KAT7: variants seen among roughly 807,000 people sequenced by gnomAD.
KAT7 encodes the protein histone acetyltransferase KAT7.
A neutral mutation model predicts 82.1 loss-of-function variants in KAT7; 10 were observed. The observed-to-expected ratio is 0.12, with a 90% CI of 0.08 to 0.21. The LOEUF is 0.21. KAT7 is among the 10% of genes least tolerant of loss of function. KAT7 has a pLI of 1.00. For missense variants in KAT7, 378 were observed against 760.9 expected, an observed-to-expected ratio of 0.50 and a Z score of 5.92; for synonymous variants, 250 against 262.5, an observed-to-expected ratio of 0.95 and a Z score of 0.46.
chr17:49,808,126 T>C (rs1259643599), intron 5 of KAT7, among the ~76,000 whole-genome samples: 11 of 147,508 alleles, frequency 7.5e-5, no homozygotes, highest in Non-Finnish European at 1.0e-4. Context: ...TTTTCTTTTT[T>C]TTTTTTTTTT....
intron 8 of KAT7, among the ~76,000 whole-genome samples, chr17:49,817,570 G>A (rs1001560738): frequency 6.6e-6 from 1 of 152,294 alleles, no homozygotes; most frequent in Admixed American, 6.5e-5. Context: ...CCTCTTGGGC[G>A]ATTCTTCTGC....
chr17:49,798,299 A>T lies in KAT7; in HGVS notation c.341-20A>T. On this transcript the variant is annotated intron_variant, in intron 3 of 14. Transcript: ENST00000259021. ...TAAATGAACTCCACTCATAACTTCT[A>T]CCAATTGCTTTTGCTTTAGAAACTA... The T allele has an allele frequency of 6.2e-7, 1 of 1,610,366 alleles. No homozygotes were observed. Among genetic ancestry groups the T allele is most frequent in the Non-Finnish European group, 8.5e-7 (1 of 1,176,822 alleles).
intron 2 of KAT7, chr17:49,795,451 A>G (rs957185903): frequency 8.1e-6 from 2 of 246,220 alleles, no homozygotes; most frequent in African/African-American, 4.6e-5. Context: ...TGGTGGTGGA[A>G]CCAAACCCGT....
intron 1 of KAT7, among the ~76,000 whole-genome samples, chr17:49,791,104 G>A (rs2073882156): frequency 6.6e-6 from 1 of 152,154 alleles, no homozygotes; most frequent in African/African-American, 2.4e-5. Context: ...GAAACGTCAA[G>A]GATAGATGGC....
chr17:49,805,331 T>TGG, intron 4 of KAT7, 32 bp from the exon 5 acceptor site: 1 of 1,449,232 alleles, frequency 6.9e-7, no homozygotes, highest in Non-Finnish European at 9.7e-7. Context: ...CTTGTCTTCT[T>TGG]TCTTGAGATT....
intron 5 of KAT7, among the ~76,000 whole-genome samples, chr17:49,807,608 G>A (rs187532238): frequency 1.8e-4 from 27 of 152,296 alleles, no homozygotes; most frequent in Non-Finnish European, 3.1e-4. Flanking sequence ...TTTCAGGCAC[G>A]CTTTTGAAAA....
chr17:49,821,897 G>A, intron 11 of KAT7, 107 bp downstream of exon 11: 1 of 895,044 alleles, frequency 1.1e-6, no homozygotes, highest in Admixed American at 2.4e-5. Flanking sequence ...TCTGGGCAAT[G>A]ATGACACCCC....
chr17:49,826,433 G>C, intron 13 of KAT7: 1 of 504,120 alleles, frequency 2.0e-6, no homozygotes, highest in Admixed American at 3.6e-5. Flanking sequence ...GTGTATTTAT[G>C]CAAGGGTGGA....
At chr17:49,795,364 C>A (rs1036273086) in intron 2 of KAT7, 41 of 204,752 alleles carry the variant, frequency 2.0e-4, no homozygotes, top group African/African-American at 8.4e-4. Flanking sequence ...GGAGAGTGAG[C>A]AGTTCCTGAC....
intron 7 of KAT7, chr17:49,815,574 C>T: frequency 2.5e-6 from 1 of 400,836 alleles, no homozygotes; most frequent in South Asian, 7.2e-5. Flanking sequence ...AAGCTCCCTT[C>T]TGGAGCTGTG....
chr17:49,825,002 T>G (rs1387335454), intron 12 of KAT7, among the ~76,000 whole-genome samples: 1 of 152,192 alleles, frequency 6.6e-6, no homozygotes, highest in African/African-American at 2.4e-5. Flanking sequence ...TTTTTTATTT[T>G]TATTTTTTTA....
rs1482155819 is a variant in KAT7 at position 49,830,825 on chromosome 17, A to ATG, written c.*3323_*3324insTG. ...CACTATTTTTGATTCCTTAATGATGAATCATCCTCTCCCTTCTAGTTGGAT... is the reference window on the plus strand; with the variant it reads ...CACTATTTTTGATTCCTTAATGATGATGATCATCCTCTCCCTTCTAGTTGGAT... On this transcript the variant is annotated 3_prime_UTR_variant, in exon 15 of 15. Coordinates refer to ENST00000259021, the MANE Select transcript of KAT7 (RefSeq NM_007067.5). 41 of 152,272 alleles carry ATG rather than the reference A, an allele frequency of 2.7e-4. No homozygotes were observed. Among genetic ancestry groups the ATG allele is most frequent in the African/African-American group, 9.1e-4 (38 of 41,556 alleles). 9.4% of individuals were successfully genotyped at this position (152,272 alleles called of 1,614,324 possible). A position where few individuals can be genotyped will look rare whatever the true frequency, so the allele number is the denominator to read the frequency against.
chr17:49,802,499 C>A (rs1271304184), intron 4 of KAT7, among the ~76,000 whole-genome samples: 1 of 152,038 alleles, frequency 6.6e-6, no homozygotes, highest in African/African-American at 2.4e-5. Flanking sequence ...GAAACCCCAT[C>A]TCTATTAAAA....
rs768621089 is a variant in KAT7, at chr17:49,834,667, A to C, written c.*7165A>C. 6.6e-6 allele frequency: 1 copy of C among 152,214 alleles called. No individual in the cohort carries two copies. Among genetic ancestry groups the C allele is most frequent in the Non-Finnish European group, 1.5e-5 (1 of 68,038 alleles). The allele number at this position is 152,214 out of a possible 1,614,324, so 9.4% of individuals were successfully genotyped here. A position where few individuals can be genotyped will look rare whatever the true frequency, so the allele number is the denominator to read the frequency against. ...TGTTTACTGAGAAAGCCTCCACTTC[A>C]ACGTTCCATGAAGTGTGTTCCATTA... On this transcript the variant is annotated 3_prime_UTR_variant, in exon 15 of 15. Transcript: ENST00000259021.
At chr17:49,792,108 A>G in intron 2 of KAT7, 75 bp downstream of exon 2, 1 of 1,458,342 alleles carries the variant, frequency 6.9e-7, no homozygotes, top group Non-Finnish European at 9.4e-7. Flanking sequence ...TTCCTAGTTA[A>G]TGTGGAAACT....
chr17:49,804,754 CAT>C (rs1409369374), intron 4 of KAT7, among the ~76,000 whole-genome samples: 2 of 152,060 alleles, frequency 1.3e-5, no homozygotes, highest in Non-Finnish European at 2.9e-5. Context: ...GCCTAGGTGA[CAT>C]AAAAAAATTT....
chr17:49,817,947 G>A lies in KAT7; in HGVS notation c.1091G>A (p.Arg364His), dbSNP rs2074254158. 6 of 1,613,680 alleles carry A rather than the reference G, an allele frequency of 3.7e-6. No individual in the cohort carries two copies. Among genetic ancestry groups the A allele is most frequent in the Non-Finnish European group, 5.1e-6 (6 of 1,179,636 alleles). ...CCTGAAGAATATGCACGGCTGGGAC[G>A]TCTCTATATGTGTGAATTCTGTTTA... ...PYPEEYARLG[R>H]LYMCEFCLKY... is the part of the protein sequence containing the mutation. The change falls in exon 9 of 15, where the codon CGT becomes CAT. Residue 364 changes from arginine to histidine, a missense_variant. Transcript: ENST00000259021.
intron 3 of KAT7, among the ~76,000 whole-genome samples, chr17:49,797,561 G>A (rs1048649041): frequency 1.3e-5 from 2 of 152,158 alleles, no homozygotes; most frequent in Admixed American, 6.5e-5. Flanking sequence ...TTAATGCAGA[G>A]GTCACAGACT....
chr17:49,824,495 G>A (rs1461522648), intron 12 of KAT7: 1 of 152,256 alleles, frequency 6.6e-6, no homozygotes. Context: ...GAGTAGCTGG[G>A]ATTACAGGCA....
Sources: allele counts gnomAD v4.1 joint callset (sites outside exome capture counted in the v4.1 genomes callset), GRCh38; gene constraint gnomAD v4.1.1; transcripts MANE v1.5; gene names NCBI Gene and HGNC (gene_info 2026-07-23, HGNC 2026-07-21).